Variants in GLIS3 observed in about 807,000 individuals in gnomAD.
The protein encoded by GLIS3 is GLIS family zinc finger 3.
GLIS3 carries 53 observed loss-of-function variants against 78.6 expected under a neutral mutation model. The observed-to-expected ratio is 0.67, with a 90% CI of 0.54 to 0.85. The LOEUF is 0.85. Among genes scored for constraint, GLIS3 ranks in the 40% least tolerant of loss-of-function variants. The pLI, the probability that GLIS3 is intolerant of heterozygous loss-of-function variation, is 0.00. For synonymous variants in GLIS3, 684 were observed against 509.9 expected (o/e 1.34, Z -4.60); for missense variants, 1,703 against 1,231.1 (o/e 1.38, Z -5.74).
intron 9 of GLIS3, among the ~76,000 whole-genome samples, chr9:3,849,318 T>C (rs1011126253): frequency 6.6e-6 from 1 of 152,224 alleles, no homozygotes; most frequent in African/African-American, 2.4e-5. Flanking sequence ...GGTGTGCCTA[T>C]CCAGTAAAAA....
At chr9:3,986,918 A>G (rs1819785329) in intron 4 of GLIS3, among the ~76,000 whole-genome samples, 1 of 152,330 alleles carries the variant, frequency 6.6e-6, no homozygotes, top group Admixed American at 6.5e-5. Context: ...ATAATTTAAA[A>G]TCACCCATCA....
intron 2 of GLIS3, among the ~76,000 whole-genome samples, chr9:4,219,726 G>C (rs1391640348): frequency 6.6e-6 from 1 of 152,114 alleles, no homozygotes; most frequent in Non-Finnish European, 1.5e-5. Flanking sequence ...CCCACAAATA[G>C]TGCAACTGAG....
At chr9:3,863,825 G>A (rs1347194948) in intron 8 of GLIS3, among the ~76,000 whole-genome samples, 3 of 152,158 alleles carry the variant, frequency 2.0e-5, no homozygotes, top group Middle Eastern at 3.2e-3. Flanking sequence ...AGGCAGAGAA[G>A]TGTTATTTTT....
intron 2 of GLIS3, among the ~76,000 whole-genome samples, chr9:4,245,811 C>G (rs938145978): frequency 1.3e-5 from 2 of 151,996 alleles, no homozygotes; most frequent in African/African-American, 4.8e-5. Flanking sequence ...AATAAAGTGC[C>G]CTGTATTGAT....
intron 2 of GLIS3, among the ~76,000 whole-genome samples, chr9:4,196,698 A>C (rs1818884463): frequency 6.6e-6 from 1 of 152,198 alleles, no homozygotes; most frequent in African/African-American, 2.4e-5. Flanking sequence ...CAGAAGGAGC[A>C]AACTCCAGAC....
At chr9:4,460,356 A>C in the GLIS3 span, among the ~76,000 whole-genome samples, 11 of 152,362 alleles carry the variant, frequency 7.2e-5, no homozygotes, top group South Asian at 2.3e-3. Flanking sequence ...AATCAGATTG[A>C]ACAAGAAAAT....
At chr9:4,032,968 C>T (rs1052146225) in intron 4 of GLIS3, among the ~76,000 whole-genome samples, 35 of 152,104 alleles carry the variant, frequency 2.3e-4, no homozygotes. Context: ...ATTCTGCTGC[C>T]TCAGCCTCCC....
At chr9:4,456,789 G>A in the GLIS3 span, among the ~76,000 whole-genome samples, 1 of 152,278 alleles carries the variant, frequency 6.6e-6, no homozygotes, top group African/African-American at 2.4e-5. Context: ...AAAAAATGGA[G>A]GAACAGCTGA....
At chr9:4,010,771 T>C (rs1456668782) in intron 4 of GLIS3, among the ~76,000 whole-genome samples, 1 of 152,202 alleles carries the variant, frequency 6.6e-6, no homozygotes, top group African/African-American at 2.4e-5. Flanking sequence ...TAAGGCATAA[T>C]TTTACTAAAT....
At chr9:4,162,617 T>C (rs1216040106) in intron 2 of GLIS3, among the ~76,000 whole-genome samples, 2 of 152,060 alleles carry the variant, frequency 1.3e-5, no homozygotes, top group African/African-American at 4.8e-5. Flanking sequence ...CCCAGCACTT[T>C]GGGAGGCCGA....
chr9:4,078,840 C>T (rs1273055148), intron 4 of GLIS3, among the ~76,000 whole-genome samples: 1 of 152,192 alleles, frequency 6.6e-6, no homozygotes, highest in Non-Finnish European at 1.5e-5. Flanking sequence ...CTTTAGAACT[C>T]AGAGAGGGCA....
chr9:4,242,709 T>C (rs981822478), intron 2 of GLIS3, among the ~76,000 whole-genome samples: 1 of 152,126 alleles, frequency 6.6e-6, no homozygotes, highest in Non-Finnish European at 1.5e-5. Context: ...ATATAGCTAG[T>C]AGGAACAGAG....
At chr9:4,108,239 T>C (rs111671176) in intron 4 of GLIS3, among the ~76,000 whole-genome samples, 61 of 152,312 alleles carry the variant, frequency 4.0e-4, no homozygotes, top group African/African-American at 1.4e-3. Flanking sequence ...TCTTTCTCGT[T>C]AAAATGTAGA....
intron 2 of GLIS3, among the ~76,000 whole-genome samples, chr9:4,131,980 A>G (rs760322250): frequency 2.0e-5 from 3 of 152,022 alleles, no homozygotes; most frequent in Non-Finnish European, 2.9e-5. Context: ...AAGATAGTAA[A>G]TAATGCTGTT....
chr9:4,307,027 G>C (rs983280247), intron 4 of GLIS3, among the ~76,000 whole-genome samples: 1 of 152,204 alleles, frequency 6.6e-6, no homozygotes, highest in Non-Finnish European at 1.5e-5. Flanking sequence ...AGTGAAGGTG[G>C]CAAGTTATGA....
intron 6 of GLIS3, among the ~76,000 whole-genome samples, chr9:3,922,417 A>G (rs1824950972): frequency 6.6e-6 from 1 of 152,126 alleles, no homozygotes; most frequent in African/African-American, 2.4e-5. Context: ...CTTACAATCA[A>G]TGGTGTCTTG....
At chr9:3,935,110 C>G (rs1013580293) in intron 5 of GLIS3, among the ~76,000 whole-genome samples, 5 of 152,064 alleles carry the variant, frequency 3.3e-5, no homozygotes, top group Non-Finnish European at 7.4e-5. Context: ...ATCCAAAATT[C>G]TGACAGTATT....
chr9:4,387,613 T>C, the GLIS3 span, among the ~76,000 whole-genome samples: 1 of 152,208 alleles, frequency 6.6e-6, no homozygotes, highest in Non-Finnish European at 1.5e-5. Context: ...ATGCTCCTTA[T>C]CCAGGGTCCC....
In GLIS3 at chr9:4,159,030, G is replaced by GAAAAAAAAAAAAAAA. The variant is rs141412126; in HGVS notation, c.389-33090_389-33089insTTTTTTTTTTTTTTT. Among the ~76,000 whole-genome samples the GAAAAAAAAAAAAAAA allele has an allele frequency of 2.5e-3, 196 of 78,958 alleles. 26 individuals are homozygous for GAAAAAAAAAAAAAAA. The highest frequency in any genetic ancestry group is 4.0e-3 in the African/African-American group (83 of 20,550). 51.8% of individuals were successfully genotyped at this position (78,958 alleles called of 152,430 possible). On this transcript the variant is annotated intron_variant, in intron 2 of 10. Transcript: ENST00000381971. ...GCTTGGTATGCTAGAGAAAGGAGAAGAAGAAAAAAAAAAAAAAAAGCCAGG... is the reference window on the plus strand; with the variant it reads ...GCTTGGTATGCTAGAGAAAGGAGAAGAAAAAAAAAAAAAAAAAGAAAAAAAAAAAAAAAAGCCAGG...
Sources: allele counts gnomAD v4.1 joint callset (sites outside exome capture counted in the v4.1 genomes callset), GRCh38; gene constraint gnomAD v4.1.1; transcripts MANE v1.5; gene names NCBI Gene and HGNC (gene_info 2026-07-23, HGNC 2026-07-21).